The following ERC1 variants were observed in gnomAD, a reference collection of about 807,000 sequenced individuals.
ERC1 encodes the protein ELKS/RAB6-interacting/CAST family member 1, also known as RAB6 interacting protein 2.
Under a neutral mutation model 132.0 loss-of-function variants are expected in ERC1, and 56 were observed. The observed-to-expected ratio is 0.42, with a 90% CI of 0.34 to 0.53. The LOEUF is 0.53. ERC1 is among the 20% of genes least tolerant of loss of function. The probability of loss-of-function intolerance (pLI) is 0.03; values close to 1 mark genes in which losing one functional copy is unlikely to be tolerated. For missense variants in ERC1, 1,202 were observed against 1,349.9 expected (o/e 0.89, Z 1.72); for synonymous variants, 478 against 476.1 (o/e 1.00, Z -0.05).
intron 3 of ERC1, among the ~76,000 whole-genome samples, chr12:1,101,771 G>T (rs771281204): frequency 6.6e-6 from 1 of 152,164 alleles, no homozygotes; most frequent in Non-Finnish European, 1.5e-5. Context: ...TGGGGTATAC[G>T]TGTAAAGGTA....
At chr12:1,141,515 A>G (rs1194401740) in intron 7 of ERC1, 105 bp from the exon 8 acceptor site, 2 of 873,306 alleles carry the variant, frequency 2.3e-6, no homozygotes, top group African/African-American at 3.4e-5. Flanking sequence ...ACTTTTATAG[A>G]ATAACAAAAC....
At chr12:1,220,117 T>C (rs1161103131) in intron 12 of ERC1, among the ~76,000 whole-genome samples, 2 of 152,214 alleles carry the variant, frequency 1.3e-5, no homozygotes, top group African/African-American at 4.8e-5. Context: ...TGATTCTCTG[T>C]GCCTCTTCTC....
chr12:1,077,302 C>G (rs1388519237), intron 2 of ERC1, among the ~76,000 whole-genome samples: 1 of 152,102 alleles, frequency 6.6e-6, no homozygotes, highest in East Asian at 1.9e-4. Flanking sequence ...TCAAAGTGTA[C>G]TCTTGTTCTA....
chr12:1,124,686 A>G (rs1947951587), intron 7 of ERC1, among the ~76,000 whole-genome samples: 1 of 152,160 alleles, frequency 6.6e-6, no homozygotes, highest in South Asian at 2.1e-4. Flanking sequence ...CAACACCAAG[A>G]GGTAGTTATT....
intron 1 of ERC1, among the ~76,000 whole-genome samples, chr12:1,004,750 T>C (rs1294395278): frequency 1.3e-5 from 2 of 151,934 alleles, no homozygotes; most frequent in Non-Finnish European, 2.9e-5. Context: ...AGATTTTACT[T>C]ACTTGAAAAA....
intron 16 of ERC1, 92 bp downstream of exon 16, chr12:1,372,069 T>C: frequency 7.2e-7 from 1 of 1,395,578 alleles, no homozygotes; most frequent in Non-Finnish European, 9.5e-7. Flanking sequence ...TAAGGTCTCA[T>C]GTTTCATATT....
At chr12:1,349,680 A>G (rs985876663) in intron 15 of ERC1, among the ~76,000 whole-genome samples, 4 of 150,762 alleles carry the variant, frequency 2.7e-5, no homozygotes, top group African/African-American at 7.4e-5. Context: ...AAAAAAAAAA[A>G]GTTATTTTTG....
chr12:1,060,344 A>C (rs1300411780), intron 2 of ERC1, among the ~76,000 whole-genome samples: 1 of 149,544 alleles, frequency 6.7e-6, no homozygotes, highest in Non-Finnish European at 1.5e-5. Context: ...ACCCCACAAC[A>C]GTCCCCAGAG....
At chr12:1,484,166 G>A (rs530242436) in intron 18 of ERC1, among the ~76,000 whole-genome samples, 35 of 152,050 alleles carry the variant, frequency 2.3e-4, no homozygotes, top group African/African-American at 7.0e-4. Context: ...TTAGCCGAGC[G>A]TGGTAGCGGG....
chr12:996,306 G>T (rs1960882995), intron 1 of ERC1, among the ~76,000 whole-genome samples: 1 of 124,498 alleles, frequency 8.0e-6, no homozygotes, highest in Admixed American at 1.0e-4. Context: ...GTTTCACTGT[G>T]TTAGCCAGGA....
rs2094345580 is a variant in ERC1, at chr12:1,494,716, C to T, written c.*4486C>T. 1.3e-5 allele frequency: 3 copies of T among 230,638 alleles called. No individual in the cohort carries two copies. The highest frequency in any genetic ancestry group is 2.2e-5 in the African/African-American group (1 of 45,098). 14.3% of individuals were successfully genotyped at this position (230,638 alleles called of 1,614,324 possible). ...CCTCCTCTCTTCTTTCTCTGCTTGT[C>T]GATATTGTCTGTGTGATTCAGAGAA... On this transcript the variant is annotated 3_prime_UTR_variant, in exon 19 of 19. Transcript: ENST00000360905.
Position 1,125,917 on chromosome 12 carries a change from T to A in ERC1, c.1569+9884T>A, listed in dbSNP as rs189364089. On this transcript the variant is annotated intron_variant, in intron 7 of 18. Coordinates refer to ENST00000360905, the MANE Select transcript of ERC1 (RefSeq NM_178040.4). The stretch of plus-strand genomic sequence containing the variant: ...CAAAAAGACAAATACTACATATGAT[T>A]CCACTTGTCATACCTAGAGTCAAAT... Among the ~76,000 whole-genome samples the A allele has an allele frequency of 4.3e-4, 66 of 152,354 alleles. No homozygotes were observed. In the East Asian group the frequency reaches 9.6e-3, roughly 22 times the overall value.
In ERC1 at chr12:1,400,908, A is replaced by AT. The variant is rs2090967822; in HGVS notation, c.2926-7236dup. On this transcript the variant is annotated intron_variant, in intron 16 of 18. Coordinates refer to ENST00000360905, the MANE Select transcript of ERC1 (RefSeq NM_178040.4). ...CTTCTCATTCAATATTGTTTTGGCTATTTTTGTATTTTTTTTTTTTTTTTT... is the reference window on the plus strand; with the variant it reads ...CTTCTCATTCAATATTGTTTTGGCTATTTTTTGTATTTTTTTTTTTTTTTTT... Among the ~76,000 whole-genome samples, 24 of 43,396 alleles carry AT rather than the reference A, an allele frequency of 5.5e-4. 1 individual carries two copies. The highest frequency in any genetic ancestry group is 8.5e-4 in the Non-Finnish European group (15 of 17,702). 28.5% of individuals were successfully genotyped at this position (43,396 alleles called of 152,430 possible).
intron 2 of ERC1, among the ~76,000 whole-genome samples, chr12:1,055,361 G>T (rs917335739): frequency 6.6e-6 from 1 of 152,044 alleles, no homozygotes; most frequent in Non-Finnish European, 1.5e-5. Flanking sequence ...TGTATTTTTA[G>T]TAGAGATGGG....
intron 2 of ERC1, among the ~76,000 whole-genome samples, chr12:1,070,823 C>T (rs1331441404): frequency 6.6e-6 from 1 of 152,168 alleles, no homozygotes; most frequent in Non-Finnish European, 1.5e-5. Context: ...ACATTTCCAT[C>T]ATCCCACAAA....
At chr12:1,258,252 A>G (rs1394664376) in intron 13 of ERC1, among the ~76,000 whole-genome samples, 1 of 152,190 alleles carries the variant, frequency 6.6e-6, no homozygotes, top group Non-Finnish European at 1.5e-5. Flanking sequence ...GATAGGAGGA[A>G]TTAGGGATAG....
rs1017377025 is a variant in ERC1 at position 1,444,633 on chromosome 12, C to A, written c.3096C>A (p.Thr1032=). The change falls in exon 18 of 19, where the codon ACC becomes ACA. Residue 1032 remains threonine, a synonymous_variant. Coordinates refer to ENST00000360905, the MANE Select transcript of ERC1 (RefSeq NM_178040.4). ...KLKLYIGHLT[T]LCHDRDPLIL... is the part of the protein sequence containing the mutation. Reference sequence around the variant, plus strand: ...AGTTGTACATTGGACACCTGACAACCCTCTGCCATGACCGAGACCCCCTGA... The same window carrying A: ...AGTTGTACATTGGACACCTGACAACACTCTGCCATGACCGAGACCCCCTGA... 3.7e-6 allele frequency: 6 copies of A among 1,613,900 alleles called. No homozygotes were observed. The highest frequency in any genetic ancestry group is 4.2e-6 in the Non-Finnish European group (5 of 1,179,940).
chr12:1,429,350 G>A (rs1360657959), intron 17 of ERC1, among the ~76,000 whole-genome samples: 2 of 152,106 alleles, frequency 1.3e-5, no homozygotes, highest in Admixed American at 1.3e-4. Flanking sequence ...TAAAAATCTA[G>A]TACTCATATT....
intron 8 of ERC1, among the ~76,000 whole-genome samples, chr12:1,155,360 G>A (rs1951279977): frequency 6.8e-6 from 1 of 147,242 alleles, no homozygotes; most frequent in South Asian, 2.1e-4. Flanking sequence ...TCATCCAGCA[G>A]TCCCACTACT....
Sources: gnomAD v4.1 joint callset for allele counts (sites outside exome capture counted in the v4.1 genomes callset) on GRCh38, gnomAD v4.1.1 for gene constraint, MANE v1.5 for transcripts, NCBI Gene and HGNC (gene_info 2026-07-23, HGNC 2026-07-21) for gene names.